Variants in PHACTR3 observed in about 807,000 individuals in gnomAD.
PHACTR3 encodes protein phosphatase 1, regulatory subunit 123.
In PHACTR3, 16 loss-of-function variants were observed where a neutral mutation model predicts 66.8. The ratio of observed to expected loss-of-function variants is 0.24; its 90% confidence interval spans 0.16 to 0.36. The LOEUF (loss-of-function observed/expected upper bound fraction) is 0.36. Ranked by LOEUF, PHACTR3 falls within the 10% of genes least tolerant of loss-of-function variation. PHACTR3 has a pLI of 1.00. For missense variants in PHACTR3, 647 were observed against 719.9 expected (o/e 0.90, Z 1.16); for synonymous variants, 323 against 292.1 (o/e 1.11, Z -1.08).
At chr20:59,815,237 T>C (rs1257759560) in intron 8 of PHACTR3, among the ~76,000 whole-genome samples, 1 of 152,108 alleles carries the variant, frequency 6.6e-6, no homozygotes, top group Non-Finnish European at 1.5e-5. Context: ...GTCTGCTCAG[T>C]CTCTGAAATT....
chr20:59,831,438 G>A (rs758984464), intron 8 of PHACTR3, among the ~76,000 whole-genome samples: 10 of 152,246 alleles, frequency 6.6e-5, no homozygotes, highest in East Asian at 3.9e-4. Context: ...ACACCCACGC[G>A]ATGCTTTAAT....
chr20:59,699,786 AC>A (rs1218700097), intron 1 of PHACTR3, among the ~76,000 whole-genome samples: 1 of 151,974 alleles, frequency 6.6e-6, no homozygotes, highest in Non-Finnish European at 1.5e-5. Context: ...ACATGGTGAA[AC>A]CCCATCTCTA....
At chr20:59,835,174 G>C (rs2042489200) in intron 8 of PHACTR3, among the ~76,000 whole-genome samples, 1 of 152,216 alleles carries the variant, frequency 6.6e-6, no homozygotes, top group Non-Finnish European at 1.5e-5. Context: ...GCTTGAATGA[G>C]TGGCCTTTGG....
At chr20:59,836,700 T>C (rs1480100135) in intron 9 of PHACTR3, 140 bp downstream of exon 9, 7 of 779,122 alleles carry the variant, frequency 9.0e-6, no homozygotes. Flanking sequence ...GCTGCTGAAT[T>C]CTGAAAGCAA....
chr20:59,726,898 C>A (rs1367002506), intron 1 of PHACTR3, among the ~76,000 whole-genome samples: 1 of 152,152 alleles, frequency 6.6e-6, no homozygotes, highest in Non-Finnish European at 1.5e-5. Flanking sequence ...TTACAAACAT[C>A]TTTTCCTGCA....
At chr20:59,814,609 C>A (rs973763237) in intron 8 of PHACTR3, among the ~76,000 whole-genome samples, 2 of 152,222 alleles carry the variant, frequency 1.3e-5, no homozygotes, top group East Asian at 3.9e-4. Context: ...GTGTTTTATA[C>A]GGTCCTGTAC....
intron 8 of PHACTR3, among the ~76,000 whole-genome samples, chr20:59,818,246 C>T (rs2041939081): frequency 6.6e-6 from 1 of 152,158 alleles, no homozygotes; most frequent in African/African-American, 2.4e-5. Context: ...TGACATGCGC[C>T]TTACTTTCCT....
At chr20:59,696,710 A>G (rs1166353259) in intron 1 of PHACTR3, among the ~76,000 whole-genome samples, 1 of 152,154 alleles carries the variant, frequency 6.6e-6, no homozygotes, top group East Asian at 1.9e-4. Flanking sequence ...GCAGCTGCCC[A>G]TGGAGAACAC....
At chr20:59,680,162 G>T (rs534013190) in intron 1 of PHACTR3, among the ~76,000 whole-genome samples, 1 of 152,036 alleles carries the variant, frequency 6.6e-6, no homozygotes. Context: ...GAAGGGTTCC[G>T]TGTGGGGATG....
intron 1 of PHACTR3, among the ~76,000 whole-genome samples, chr20:59,694,292 C>T (rs2037215850): frequency 6.6e-6 from 1 of 152,066 alleles, no homozygotes; most frequent in African/African-American, 2.4e-5. Flanking sequence ...CTTCTGTCTC[C>T]CTCTGCTTGT....
At chr20:59,602,056 T>C (rs1600891148), upstream of PHACTR3, among the ~76,000 whole-genome samples, 1 of 152,174 alleles carries the variant, frequency 6.6e-6, no homozygotes, top group African/African-American at 2.4e-5. Flanking sequence ...AGATAGAAAG[T>C]TCCTTCCATT....
At chr20:59,651,665 G>A (rs1010100510) in intron 1 of PHACTR3, among the ~76,000 whole-genome samples, 1 of 152,162 alleles carries the variant, frequency 6.6e-6, no homozygotes, top group African/African-American at 2.4e-5. Flanking sequence ...CACGAAGAGT[G>A]GACTGGCTGG....
chr20:59,659,759 C>A (rs2035748957), intron 1 of PHACTR3, among the ~76,000 whole-genome samples: 1 of 152,106 alleles, frequency 6.6e-6, no homozygotes, highest in African/African-American at 2.4e-5. Flanking sequence ...TTTCCCTTAC[C>A]ATAGCTTAGG....
At position 59,697,200 on chromosome 20, in the gene PHACTR3, G is replaced by C. The variant is rs12624480; in HGVS notation, c.119-45907G>C. 1.7e-3 allele frequency among the ~76,000 whole-genome samples: 257 copies of C among 152,280 alleles called. 6 individuals carry two copies. In the East Asian group the frequency reaches 0.043, roughly 26 times the overall value. On this transcript the variant is annotated intron_variant, in intron 1 of 12. Coordinates refer to ENST00000371015, the MANE Select transcript of PHACTR3 (RefSeq NM_080672.5). Reference sequence around the variant, plus strand: ...ATAAATCTCCCGGGTTTGACCAGGAGCCCAGCAGCCCTTCCCCAGAGCCTG... The same window carrying C: ...ATAAATCTCCCGGGTTTGACCAGGACCCCAGCAGCCCTTCCCCAGAGCCTG...
Position 59,705,301 on chromosome 20 carries a change from G to A in PHACTR3, c.119-37806G>A, listed in dbSNP as rs115996831. On this transcript the variant is annotated intron_variant, in intron 1 of 12. Coordinates refer to ENST00000371015, the MANE Select transcript of PHACTR3 (RefSeq NM_080672.5). The stretch of plus-strand genomic sequence containing the variant: ...AGTCAATATAATTCTAAGTTTAAAC[G>A]TTATGGTTTCTTCCCAGGGAGCACA... Among the ~76,000 whole-genome samples, 486 of 152,180 alleles carry A rather than the reference G, an allele frequency of 3.2e-3. 3 individuals are homozygous for A. The highest frequency in any genetic ancestry group is 0.011 in the African/African-American group (455 of 41,528).
chr20:59,809,451 T>C (rs999081392), intron 8 of PHACTR3, among the ~76,000 whole-genome samples: 3 of 152,224 alleles, frequency 2.0e-5, no homozygotes, highest in Non-Finnish European at 4.4e-5. Flanking sequence ...AGGTTGAGCA[T>C]TATTTTCAGC....
At chr20:59,843,179 G>A (rs1161898637) in intron 11 of PHACTR3, among the ~76,000 whole-genome samples, 2 of 151,952 alleles carry the variant, frequency 1.3e-5, no homozygotes, top group Middle Eastern at 3.4e-3. Context: ...ACCTCTACAA[G>A]GAAAACTACA....
At chr20:59,611,307 G>T (rs1660769980) in intron 1 of PHACTR3, among the ~76,000 whole-genome samples, 1 of 152,274 alleles carries the variant, frequency 6.6e-6, no homozygotes, top group African/African-American at 2.4e-5. Flanking sequence ...CAATCCCCTT[G>T]AGGTAATTCC....
chr20:59,597,552 A>G (rs1051802043), intron 1 of PHACTR3, among the ~76,000 whole-genome samples: 5 of 152,236 alleles, frequency 3.3e-5, no homozygotes, highest in Non-Finnish European at 7.3e-5. Flanking sequence ...CTCATTGGCT[A>G]AATGGGAAAA....
Sources: allele counts gnomAD v4.1 joint callset (sites outside exome capture counted in the v4.1 genomes callset), GRCh38; gene constraint gnomAD v4.1.1; transcripts MANE v1.5; gene names NCBI Gene and HGNC (gene_info 2026-07-23, HGNC 2026-07-21).